CHP1: variants seen among roughly 807,000 people sequenced by gnomAD.
The protein encoded by CHP1 is calcineurin B homologous protein 1.
In CHP1, 11 loss-of-function variants were observed where a neutral mutation model predicts 27.4. The observed-to-expected ratio is 0.40, with a 90% CI of 0.25 to 0.67. The LOEUF (loss-of-function observed/expected upper bound fraction) is 0.67, where lower values mean the gene tolerates loss of function less well. Ranked by LOEUF, CHP1 falls within the 30% of genes least tolerant of loss-of-function variation. The pLI, the probability that CHP1 is intolerant of heterozygous loss-of-function variation, is 0.38. For synonymous variants in CHP1, 89 were observed against 87.4 expected (o/e 1.02, Z -0.10); for missense variants, 169 against 251.3 (o/e 0.67, Z 2.22).
In CHP1 at chr15:41,231,368, G is replaced by A. The variant is rs748096258; in HGVS notation, c.-15G>A. On this transcript the variant is annotated 5_prime_UTR_variant, in exon 1 of 7. Transcript: ENST00000334660. ...TTCTGGCGCCGCTGCTCCCGGAGGA[G>A]CTCCCGGCACGGCGATGGGTTCTCG... 1 of 1,592,446 alleles carries A rather than the reference G, an allele frequency of 6.3e-7. No individual in the cohort carries two copies. The highest frequency in any genetic ancestry group is 8.5e-7 in the Non-Finnish European group (1 of 1,170,920).
chr15:41,252,593 C>T (rs2047375513), intron 2 of CHP1, among the ~76,000 whole-genome samples: 1 of 152,164 alleles, frequency 6.6e-6, no homozygotes, highest in African/African-American at 2.4e-5. Flanking sequence ...TAGAAGTTAC[C>T]TGTGAGGCTG....
chr15:41,279,476 A>G lies in CHP1; in HGVS notation c.*87A>G. 1 of 1,098,796 alleles carries G rather than the reference A, an allele frequency of 9.1e-7. No individual in the cohort carries two copies. The highest frequency in any genetic ancestry group is 1.4e-6 in the Non-Finnish European group (1 of 726,478). The allele number at this position is 1,098,796 out of a possible 1,614,324, so 68.1% of individuals were successfully genotyped here. The stretch of plus-strand genomic sequence containing the variant: ...CTACCAACTCCACCTCCACCCCCTC[A>G]TTCCCCTTCTCCCAAAGTACTACTG... On this transcript the variant is annotated 3_prime_UTR_variant, in exon 7 of 7. Transcript: ENST00000334660.
At chr15:41,264,016 C>G (rs182279868) in intron 4 of CHP1, 5 of 389,462 alleles carry the variant, frequency 1.3e-5, no homozygotes, top group African/African-American at 4.2e-5. Context: ...CAGATTAGGC[C>G]GGCAGGAGGG....
chr15:41,266,932 G>A (rs977867505), intron 4 of CHP1, among the ~76,000 whole-genome samples: 29 of 151,920 alleles, frequency 1.9e-4, no homozygotes, highest in African/African-American at 6.3e-4. Flanking sequence ...CCCAGGAGGC[G>A]GAGGTTGCAG....
chr15:41,262,742 T>C lies in CHP1; in HGVS notation c.222-14T>C, dbSNP rs1258503349. ...GATTGACATGGTGTTGTGTTTGTTA[T>C]ATTTCACAATCAGAGAGGACCAGGT... On this transcript the variant is annotated splice_polypyrimidine_tract_variant and intron_variant, in intron 3 of 6. Transcript: ENST00000334660. The C allele has an allele frequency of 1.2e-6, 2 of 1,611,812 alleles. No individual in the cohort carries two copies. The highest frequency in any genetic ancestry group is 1.7e-6 in the Non-Finnish European group (2 of 1,179,604).
At chr15:41,249,349 C>T (rs1477157295) in intron 2 of CHP1, among the ~76,000 whole-genome samples, 3 of 151,488 alleles carry the variant, frequency 2.0e-5, no homozygotes, top group Non-Finnish European at 4.4e-5. Flanking sequence ...GAGGAGGTCT[C>T]GCCATGTTCC....
At chr15:41,250,970 A>T (rs1362995302) in intron 2 of CHP1, among the ~76,000 whole-genome samples, 1 of 151,736 alleles carries the variant, frequency 6.6e-6, no homozygotes, top group Non-Finnish European at 1.5e-5. Flanking sequence ...GAGTAGCTGC[A>T]ATTATAGGCG....
intron 1 of CHP1, among the ~76,000 whole-genome samples, chr15:41,232,391 G>A (rs1567000724): frequency 6.6e-6 from 1 of 151,606 alleles, no homozygotes; most frequent in Non-Finnish European, 1.5e-5. Flanking sequence ...TTGTATTTTT[G>A]GTAGAGATGG....
intron 5 of CHP1, 124 bp from the exon 6 acceptor site, chr15:41,278,643 A>G (rs2047531169): frequency 9.2e-7 from 1 of 1,086,754 alleles, no homozygotes; most frequent in South Asian, 1.6e-5. Context: ...ATTATTATGC[A>G]GTGCATGACT....
chr15:41,246,797 C>T (rs980517257), intron 2 of CHP1, among the ~76,000 whole-genome samples: 14 of 150,710 alleles, frequency 9.3e-5, no homozygotes, highest in South Asian at 6.4e-4. Context: ...CCCAGCTACT[C>T]GAGAGGCTGA....
At chr15:41,231,499 C>CA (rs2047241620) in intron 1 of CHP1, 50 bp downstream of exon 1, 3 of 1,543,916 alleles carry the variant, frequency 1.9e-6, no homozygotes, top group African/African-American at 2.7e-5. Context: ...GCTGGCCTCA[C>CA]AACCAAGGGC....
At chr15:41,265,151 C>T (rs2047453655) in intron 4 of CHP1, among the ~76,000 whole-genome samples, 1 of 151,472 alleles carries the variant, frequency 6.6e-6, no homozygotes, top group Non-Finnish European at 1.5e-5. Flanking sequence ...CACCTGAGGT[C>T]AGGAGTTCGA....
chr15:41,248,297 C>T (rs2047346723), intron 2 of CHP1, among the ~76,000 whole-genome samples: 1 of 152,158 alleles, frequency 6.6e-6, no homozygotes, highest in South Asian at 2.1e-4. Flanking sequence ...TACAGGCATG[C>T]ATCACTATGC....
intron 2 of CHP1, among the ~76,000 whole-genome samples, chr15:41,256,385 C>T (rs560299116): frequency 2.0e-5 from 3 of 152,230 alleles, no homozygotes; most frequent in Admixed American, 6.5e-5. Flanking sequence ...GAGAAAAAGC[C>T]AGAGTCAGAA....
intron 5 of CHP1, among the ~76,000 whole-genome samples, chr15:41,275,410 C>T (rs1286468742): frequency 6.6e-6 from 1 of 152,180 alleles, no homozygotes; most frequent in Non-Finnish European, 1.5e-5. Context: ...CTACCTCGGC[C>T]TCCCAAAGCT....
At chr15:41,276,732 T>C (rs553889478) in intron 5 of CHP1, among the ~76,000 whole-genome samples, 3 of 152,354 alleles carry the variant, frequency 2.0e-5, no homozygotes, top group African/African-American at 7.2e-5. Context: ...AATAGTTGGC[T>C]TAATGCAGCA....
chr15:41,270,038 G>A (rs1327610874), intron 4 of CHP1, among the ~76,000 whole-genome samples: 1 of 152,108 alleles, frequency 6.6e-6, no homozygotes, highest in Non-Finnish European at 1.5e-5. Flanking sequence ...GACCATCTGA[G>A]CCATCATATT....
intron 1 of CHP1, among the ~76,000 whole-genome samples, chr15:41,236,344 C>G: frequency 6.6e-6 from 1 of 152,166 alleles, no homozygotes; most frequent in East Asian, 1.9e-4. Flanking sequence ...TCACTGCAGC[C>G]TCAAGCTTCT....
Position 41,255,420 on chromosome 15 carries a change from C to G in CHP1, c.141-1490C>G, listed in dbSNP as rs1000027802. On this transcript the variant is annotated intron_variant, in intron 2 of 6. Transcript: ENST00000334660. Reference sequence around the variant, plus strand: ...GGGTGCGGTGGCTCACGCCTGTAATCCCAGGACTTTGGGAGGCTGAGGTGG... The same window carrying G: ...GGGTGCGGTGGCTCACGCCTGTAATGCCAGGACTTTGGGAGGCTGAGGTGG... Among the ~76,000 whole-genome samples, 9 of 152,204 alleles carry G rather than the reference C, an allele frequency of 5.9e-5. 1 individual carries two copies. The highest frequency in any genetic ancestry group is 1.3e-4 in the Non-Finnish European group (9 of 68,030).
Sources: gnomAD v4.1 joint callset for allele counts (sites outside exome capture counted in the v4.1 genomes callset) on GRCh38, gnomAD v4.1.1 for gene constraint, MANE v1.5 for transcripts, NCBI Gene and HGNC (gene_info 2026-07-23, HGNC 2026-07-21) for gene names.